Variants in MTX3 observed in about 807,000 individuals in gnomAD.
MTX3 encodes metaxin-3.
Under a neutral mutation model 42.5 loss-of-function variants are expected in MTX3, and 27 were observed. The observed-to-expected ratio is 0.64, with a 90% CI of 0.47 to 0.88. The LOEUF (loss-of-function observed/expected upper bound fraction) is 0.88. Ranked by LOEUF, MTX3 falls within the 40% of genes least tolerant of loss-of-function variation. MTX3 has a pLI of 0.00. For missense variants in MTX3, 378 were observed against 367.0 expected (o/e 1.03, Z -0.25); for synonymous variants, 144 against 132.9 (o/e 1.08, Z -0.57).
At position 79,991,070 on chromosome 5, in the gene MTX3, G is replaced by A. The variant is rs536631748; in HGVS notation, c.81+88C>T. The A allele has an allele frequency of 6.9e-4, 919 of 1,330,104 alleles. 9 individuals are homozygous for A. The South Asian group carries it at 0.011, about 16-fold the overall frequency. 82.4% of individuals were successfully genotyped at this position (1,330,104 alleles called of 1,614,324 possible). A position where few individuals can be genotyped will look rare whatever the true frequency, so the allele number is the denominator to read the frequency against. ...CAGCGGCTCGGCCCTCCTGGACCCCGCAGCGCAGCGGGAAACTGGGGCAAG... is the reference window on the plus strand; with the variant it reads ...CAGCGGCTCGGCCCTCCTGGACCCCACAGCGCAGCGGGAAACTGGGGCAAG... On this transcript the variant is annotated intron_variant, in intron 1 of 8. Transcript: ENST00000512528.
chr5:79,987,220 C>G (rs145775233), intron 6 of MTX3, 113 bp from the exon 7 acceptor site: 2 of 825,584 alleles, frequency 2.4e-6, no homozygotes, highest in East Asian at 5.3e-5. Flanking sequence ...GGGGGCAGAT[C>G]ACTTGAGGTC....
At chr5:79,989,586 A>G (rs559403008) in intron 3 of MTX3, among the ~76,000 whole-genome samples, 417 of 152,314 alleles carry the variant, frequency 2.7e-3, no homozygotes, top group Non-Finnish European at 4.7e-3. Flanking sequence ...GTTTCTCCCC[A>G]AGACAAAAGA....
At position 79,981,210 on chromosome 5, in the gene MTX3, T is replaced by A. The variant is rs565931832; in HGVS notation, c.*2474A>T. The stretch of plus-strand genomic sequence containing the variant: ...AAAGTTCTTTTCTAAGAGCTTCCTG[T>A]ATGTGTGGCTGCTCCCTAAAGTACT... On this transcript the variant is annotated 3_prime_UTR_variant, in exon 9 of 9. Transcript: ENST00000512528. 19 of 152,282 alleles carry A rather than the reference T, an allele frequency of 1.2e-4. No individual in the cohort carries two copies. Among genetic ancestry groups the A allele is most frequent in the African/African-American group, 4.1e-4 (17 of 41,552 alleles). 9.4% of individuals were successfully genotyped at this position (152,282 alleles called of 1,614,324 possible). A position where few individuals can be genotyped will look rare whatever the true frequency, so the allele number is the denominator to read the frequency against.
chr5:79,988,525 C>G lies in MTX3; in HGVS notation c.441G>C (p.Leu147=), dbSNP rs367764318. 3 of 1,612,814 alleles carry G rather than the reference C, an allele frequency of 1.9e-6. No homozygotes were observed. The highest frequency in any genetic ancestry group is 2.7e-5 in the African/African-American group (2 of 74,878). The change falls in exon 5 of 9, where the codon CTG becomes CTC. Residue 147 remains leucine (L), a synonymous_variant. Transcript: ENST00000512528. ...ILPGRMSKGA[L]NRILLTRGQP... ...GTCCTCTGGTCAGGAGAATCCTATT[C>G]AGTGCTCCCTTAGACATTCTTCCAG...
At chr5:79,985,428 G>C (rs1831468004) in intron 8 of MTX3, 143 bp downstream of exon 8, 2 of 642,336 alleles carry the variant, frequency 3.1e-6, no homozygotes, top group South Asian at 3.6e-5. Context: ...CAACTTTAGT[G>C]AAAGTATATT....
At chr5:79,983,852 G>A in intron 8 of MTX3, 58 bp from the exon 9 acceptor site, 3 of 1,128,262 alleles carry the variant, frequency 2.7e-6, no homozygotes, top group Non-Finnish European at 4.0e-6. Context: ...TATGTGGACT[G>A]TGGCCTCCCC....
chr5:79,988,586 G>A lies in MTX3; in HGVS notation c.380C>T (p.Ala127Val). The change falls in exon 5 of 9, where the codon GCT becomes GTT. Residue 127 changes from alanine to valine, a missense_variant. Coordinates refer to ENST00000512528, the MANE Select transcript of MTX3 (RefSeq NM_001363818.2). ...NYFTVTKPWFASQIPFPLSLI... is the reference protein window; with the variant it reads ...NYFTVTKPWFVSQIPFPLSLI... ...ACTCAAAGGAAAAGGAATTTGTGAAGCAAACCATGGCTTTGTCACAGTAAA... is the reference window on the plus strand; with the variant it reads ...ACTCAAAGGAAAAGGAATTTGTGAAACAAACCATGGCTTTGTCACAGTAAA... 1 of 1,604,828 alleles carries A rather than the reference G, an allele frequency of 6.2e-7. No individual in the cohort carries two copies. The highest frequency in any genetic ancestry group is 2.2e-5 in the East Asian group (1 of 44,734).
Position 79,986,944 on chromosome 5 carries a change from G to A in MTX3, c.739+6C>T. 1.2e-6 allele frequency: 2 copies of A among 1,611,332 alleles called. No homozygotes were observed. Among genetic ancestry groups the A allele is most frequent in the Non-Finnish European group, 1.7e-6 (2 of 1,178,676 alleles). ...ACAAACATTAGCTGAAAAAGAGCCA[G>A]CTTACCTCCAAGACTAAGCCTAAAA... is the stretch of plus-strand genomic sequence containing the variant. On this transcript the variant is annotated splice_donor_region_variant and intron_variant, in intron 7 of 8. Transcript: ENST00000512528.
In MTX3 at chr5:79,983,721, T is replaced by G. The variant is rs201747453; in HGVS notation, c.902A>C (p.Glu301Ala). 7.6e-5 allele frequency: 123 copies of G among 1,613,876 alleles called. No individual in the cohort carries two copies. Among genetic ancestry groups the G allele is most frequent in the Non-Finnish European group, 9.4e-5 (111 of 1,179,856 alleles). Residue 301 changes from glutamate to alanine, a missense_variant, in exon 9 of 9, where the codon GAA becomes GCA. Transcript: ENST00000512528. ...CCGTTGGAAGGAATTATTTTCTTCTTCTGCTGGAGTCAATTTAAGTGTTGG... is the reference window on the plus strand; with the variant it reads ...CCGTTGGAAGGAATTATTTTCTTCTGCTGCTGGAGTCAATTTAAGTGTTGG... ...KLPTLKLTPA[E>A]EENNSFQRLS...
chr5:79,989,867 A>C (rs1298136033), intron 3 of MTX3, among the ~76,000 whole-genome samples: 3 of 152,232 alleles, frequency 2.0e-5, no homozygotes, highest in Non-Finnish European at 4.4e-5. Flanking sequence ...CAAAATACAC[A>C]ATCCTATCAA....
chr5:79,976,833 T>C lies in MTX3; in HGVS notation c.*6851A>G, dbSNP rs1482996890. The C allele has an allele frequency of 3.9e-5, 6 of 152,662 alleles. No homozygotes were observed. Among genetic ancestry groups the C allele is most frequent in the African/African-American group, 1.4e-4 (6 of 41,460 alleles). The allele number at this position is 152,662 out of a possible 1,614,324, so 9.5% of individuals were successfully genotyped here. A position where few individuals can be genotyped will look rare whatever the true frequency, so the allele number is the denominator to read the frequency against. ...ACAATATTGATCACCATCACCACTTTAGTGTATTTGTACATAGTCTCTGAG... is the reference window on the plus strand; with the variant it reads ...ACAATATTGATCACCATCACCACTTCAGTGTATTTGTACATAGTCTCTGAG... On this transcript the variant is annotated 3_prime_UTR_variant, in exon 9 of 9. Transcript: ENST00000512528.
chr5:79,988,192 A>G, intron 6 of MTX3, 47 bp downstream of exon 6: 1 of 1,059,046 alleles, frequency 9.4e-7, no homozygotes, highest in Non-Finnish European at 1.4e-6. Flanking sequence ...CTGCTCACTG[A>G]ATATATGTGC....
At chr5:79,984,503 G>T (rs1487480633) in intron 8 of MTX3, among the ~76,000 whole-genome samples, 1 of 152,058 alleles carries the variant, frequency 6.6e-6, no homozygotes, top group Non-Finnish European at 1.5e-5. Flanking sequence ...ACTTCTAAAT[G>T]AGGTAACCCA....
intron 5 of MTX3, 25 bp downstream of exon 5, chr5:79,988,437 G>C (rs1170991720): frequency 6.3e-7 from 1 of 1,597,264 alleles, no homozygotes; most frequent in African/African-American, 1.4e-5. Context: ...TAGGGCCCTT[G>C]CTTGAAGAAT....
In MTX3 at chr5:79,988,574, G is replaced by T; in HGVS notation, c.392C>A (p.Pro131His). 6.2e-7 allele frequency: 1 copy of T among 1,607,932 alleles called. No individual in the cohort carries two copies. The highest frequency in any genetic ancestry group is 8.5e-7 in the Non-Finnish European group (1 of 1,177,060). The stretch of plus-strand genomic sequence containing the variant: ...AGGCAGGATCAAACTCAAAGGAAAA[G>T]GAATTTGTGAAGCAAACCATGGCTT... ...VTKPWFASQI[P>H]FPLSLILPGR... Residue 131 changes from proline to histidine, a missense_variant, in exon 5 of 9, where the codon CCT becomes CAT. Pro to His is a moderately conservative substitution (Grantham distance 77). Transcript: ENST00000512528.
Position 79,985,633 on chromosome 5 carries a change from C to T in MTX3, c.766G>A (p.Val256Ile), listed in dbSNP as rs778452103. Residue 256 changes from valine to isoleucine, a missense_variant, in exon 8 of 9, where the codon GTA becomes ATA. Val to Ile is a conservative substitution (Grantham distance 29, BLOSUM62 3). Coordinates refer to ENST00000512528, the MANE Select transcript of MTX3 (RefSeq NM_001363818.2). ...GTGAGTTTCTGCAGATTTGCATCTA[C>T]CGTTTCTTGTCCAGCTGGAGAGATG... The part of the protein sequence containing the change: ...GGISPAGQET[V>I]DANLQKLTQL... 23 of 1,613,124 alleles carry T rather than the reference C, an allele frequency of 1.4e-5. No homozygotes were observed. The highest frequency in any genetic ancestry group is 1.8e-5 in the Non-Finnish European group (21 of 1,179,424).
chr5:79,984,667 T>C (rs76189669), intron 8 of MTX3, among the ~76,000 whole-genome samples: 2,055 of 150,658 alleles, frequency 0.014, 54 homozygotes, highest in African/African-American at 0.045. Flanking sequence ...GGAAAAAATA[T>C]GTAACCTCTT....
Sources: gnomAD v4.1 joint callset for allele counts (sites outside exome capture counted in the v4.1 genomes callset) on GRCh38, gnomAD v4.1.1 for gene constraint, MANE v1.5 for transcripts, NCBI Gene and HGNC (gene_info 2026-07-23, HGNC 2026-07-21) for gene names.